The following SSUH2 variants were observed in gnomAD, a reference collection of about 807,000 sequenced individuals.
SSUH2 encodes ssu-2 homolog, also known as protein SSUH2 homolog.
Under a neutral mutation model 55.3 loss-of-function variants are expected in SSUH2, and 47 were observed. The ratio of observed to expected loss-of-function variants is 0.85; its 90% confidence interval spans 0.67 to 1.08. The LOEUF is 1.08. SSUH2 is among the 50% of genes least tolerant of loss of function. The pLI is 0.00. For synonymous variants in SSUH2, 212 were observed against 191.5 expected (o/e 1.11, Z -0.89); for missense variants, 535 against 490.7 (o/e 1.09, Z -0.85).
At chr3:8,678,220 G>A (rs565294936) in intron 2 of SSUH2, among the ~76,000 whole-genome samples, 1 of 152,056 alleles carries the variant, frequency 6.6e-6, no homozygotes, top group Non-Finnish European at 1.5e-5. Flanking sequence ...TTATGAAGGA[G>A]CATCTCACAC....
At position 8,681,129 on chromosome 3, in the gene SSUH2, C is replaced by CTT. The variant is rs1311135028; in HGVS notation, c.-1046+760_-1046+761dup. ...AGGCGGGTTCTGAGAGCCAGCCCCT[C>CTT]TTCCCCCCCTGCCTCTTAGGACTTC... On this transcript the variant is annotated intron_variant, in intron 1 of 18. Coordinates refer to the SSUH2 transcript ENST00000317371. Among the ~76,000 whole-genome samples, 44 of 95,790 alleles carry CTT rather than the reference C, an allele frequency of 4.6e-4. 2 individuals carry two copies. The highest frequency in any genetic ancestry group is 9.1e-4 in the Non-Finnish European group (37 of 40,738). 62.8% of individuals were successfully genotyped at this position (95,790 alleles called of 152,430 possible). A position where few individuals can be genotyped will look rare whatever the true frequency, so the allele number is the denominator to read the frequency against.
At position 8,676,993 on chromosome 3, in the gene SSUH2, T is replaced by TC. The variant is rs750489371; in HGVS notation, c.-753+212dup. 3.9e-5 allele frequency among the ~76,000 whole-genome samples: 5 copies of TC among 128,812 alleles called. 1 individual carries two copies. In the East Asian group the frequency reaches 7.9e-4, roughly 20 times the overall value. The allele number at this position is 128,812 out of a possible 152,430, so 84.5% of individuals were successfully genotyped here. On this transcript the variant is annotated intron_variant, in intron 3 of 18. Coordinates refer to the SSUH2 transcript ENST00000317371. Reference sequence around the variant, plus strand: ...GCGGGGACTGAGAGCCAGTACCTCTTCCCCCCCTGGCTCTTGAGACCTCCA... The same window carrying TC: ...GCGGGGACTGAGAGCCAGTACCTCTTCCCCCCCCTGGCTCTTGAGACCTCCA...
At chr3:8,641,669 C>G (rs1300436403) in intron 1 of SSUH2, among the ~76,000 whole-genome samples, 1 of 152,246 alleles carries the variant, frequency 6.6e-6, no homozygotes, top group Non-Finnish European at 1.5e-5. Flanking sequence ...CCAGGGCTAA[C>G]CTAGCTGGGA....
chr3:8,676,181 A>T (rs1178895553), intron 3 of SSUH2, among the ~76,000 whole-genome samples: 4 of 151,924 alleles, frequency 2.6e-5, no homozygotes, highest in African/African-American at 9.7e-5. Context: ...CCCTCTGGAG[A>T]TTATGAACTG....
upstream of SSUH2, among the ~76,000 whole-genome samples, chr3:8,647,791 C>A (rs1360733832): frequency 6.6e-6 from 1 of 152,178 alleles, no homozygotes; most frequent in Admixed American, 6.5e-5. Flanking sequence ...GCCAAGACTG[C>A]CAACAAAGGA....
chr3:8,681,274 C>G (rs398581), intron 1 of SSUH2, among the ~76,000 whole-genome samples: 117,166 of 144,448 alleles, frequency 0.81, 47,282 homozygotes, highest in East Asian at 0.99. Flanking sequence ...CAGGGACTGA[C>G]AGCCAGCCCC....
intron 7 of SSUH2, among the ~76,000 whole-genome samples, chr3:8,657,188 C>G (rs144469878): frequency 9.4e-4 from 143 of 152,278 alleles, no homozygotes; most frequent in African/African-American, 3.2e-3. Context: ...GCCCACCACC[C>G]TGTTTTATAA....
intron 5 of SSUH2, among the ~76,000 whole-genome samples, chr3:8,669,950 A>C (rs1387152047): frequency 6.6e-6 from 1 of 152,134 alleles, no homozygotes; most frequent in African/African-American, 2.4e-5. Context: ...GTGACATCTG[A>C]ACACATTCTG....
chr3:8,659,887 A>G, intron 6 of SSUH2: 1 of 434,648 alleles, frequency 2.3e-6, no homozygotes. Context: ...GGTTCATGGG[A>G]ATCTTTCCAG....
At chr3:8,678,175 A>T (rs1348716445) in intron 2 of SSUH2, among the ~76,000 whole-genome samples, 1 of 151,984 alleles carries the variant, frequency 6.6e-6, no homozygotes, top group Admixed American at 6.5e-5. Flanking sequence ...TTTCTGCCAT[A>T]CATGAAGTCA....
chr3:8,673,540 C>G (rs73812750), intron 3 of SSUH2, among the ~76,000 whole-genome samples: 1 of 152,096 alleles, frequency 6.6e-6, no homozygotes, highest in Non-Finnish European at 1.5e-5. Context: ...AGCGAAAAGC[C>G]GCAAGCCCTA....
intron 3 of SSUH2, among the ~76,000 whole-genome samples, chr3:8,672,682 C>T (rs770822055): frequency 3.3e-5 from 5 of 151,768 alleles, no homozygotes; most frequent in Admixed American, 6.6e-5. Flanking sequence ...ACACAGCCTG[C>T]GATATTTCGA....
intron 3 of SSUH2, chr3:8,634,330 G>A (rs576904449): frequency 2.9e-5 from 36 of 1,224,522 alleles, no homozygotes; most frequent in African/African-American, 2.0e-4. Context: ...CCCTAACCTC[G>A]GCCCTCTTTC....
At chr3:8,681,394 GCA>G (rs1705936218) in intron 1 of SSUH2, among the ~76,000 whole-genome samples, 2 of 144,954 alleles carry the variant, frequency 1.4e-5, no homozygotes, top group Admixed American at 6.8e-5. Context: ...GACACCCATC[GCA>G]GGATGGGGAG....
chr3:8,640,400 C>T (rs1248805937), intron 1 of SSUH2, among the ~76,000 whole-genome samples: 2 of 152,162 alleles, frequency 1.3e-5, no homozygotes, highest in Non-Finnish European at 2.9e-5. Context: ...CACCCCCTCA[C>T]CTAACCCCTG....
upstream of SSUH2, among the ~76,000 whole-genome samples, chr3:8,647,717 C>A (rs1398113541): frequency 6.6e-6 from 1 of 152,230 alleles, no homozygotes; most frequent in Non-Finnish European, 1.5e-5. Flanking sequence ...CCACCAGGAA[C>A]CAGGCCCTGC....
intron 5 of SSUH2, among the ~76,000 whole-genome samples, chr3:8,668,164 G>C (rs1481295166): frequency 6.6e-6 from 1 of 152,050 alleles, no homozygotes; most frequent in Non-Finnish European, 1.5e-5. Flanking sequence ...CTCTTTCCCT[G>C]GGTATTCCAC....
intron 1 of SSUH2, among the ~76,000 whole-genome samples, chr3:8,641,152 G>C (rs377181123): frequency 6.6e-6 from 1 of 152,064 alleles, no homozygotes; most frequent in Admixed American, 6.5e-5. Context: ...GCCTGAGTGC[G>C]GCTCCCTGTC....
At chr3:8,635,615 T>C in intron 2 of SSUH2, 144 bp downstream of exon 2, 1 of 836,192 alleles carries the variant, frequency 1.2e-6, no homozygotes. Context: ...GCTTCCTCTT[T>C]CCACCTGCCC....
Sources: gnomAD v4.1 joint callset for allele counts (sites outside exome capture counted in the v4.1 genomes callset) on GRCh38, gnomAD v4.1.1 for gene constraint, MANE v1.5 for transcripts, NCBI Gene and HGNC (gene_info 2026-07-23, HGNC 2026-07-21) for gene names.